Variants in GALNT14 observed in about 807,000 individuals in gnomAD.
GALNT14 encodes the protein polypeptide N-acetylgalactosaminyltransferase 14.
A neutral mutation model predicts 77.5 loss-of-function variants in GALNT14; 60 were observed. That is an observed-to-expected ratio of 0.77 (90% CI 0.63 to 0.96). GALNT14 has a LOEUF of 0.96. Ranked by LOEUF, GALNT14 falls within the 40% of genes least tolerant of loss-of-function variation. The pLI is 0.00. For missense variants in GALNT14, 710 were observed against 731.0 expected (o/e 0.97, Z 0.33); for synonymous variants, 280 against 281.7 (o/e 0.99, Z 0.06).
At chr2:30,955,517 C>G in intron 6 of GALNT14, 101 bp downstream of exon 6, 1 of 1,483,942 alleles carries the variant, frequency 6.7e-7, no homozygotes, top group Non-Finnish European at 9.1e-7. Context: ...TGCCCACCTC[C>G]CAGAAGAACT....
chr2:30,908,070 A>G (rs1451283151), downstream of GALNT14, among the ~76,000 whole-genome samples: 7 of 131,934 alleles, frequency 5.3e-5, no homozygotes, highest in Non-Finnish European at 1.1e-4. Flanking sequence ...TCAAAATAAT[A>G]AGAGCTATCT....
At chr2:31,035,590 C>T (rs941047539) in intron 1 of GALNT14, among the ~76,000 whole-genome samples, 48 of 73,984 alleles carry the variant, frequency 6.5e-4, no homozygotes, top group African/African-American at 9.6e-4. Flanking sequence ...TGTGTGTATA[C>T]ATATACATAT....
chr2:31,080,465 A>G (rs890961912), intron 1 of GALNT14, among the ~76,000 whole-genome samples: 1 of 152,236 alleles, frequency 6.6e-6, no homozygotes, highest in Non-Finnish European at 1.5e-5. Context: ...TTCCATTCTT[A>G]GACTCTAAGT....
chr2:30,928,299 T>C (rs1665509986), intron 11 of GALNT14, among the ~76,000 whole-genome samples: 1 of 152,192 alleles, frequency 6.6e-6, no homozygotes, highest in Non-Finnish European at 1.5e-5. Flanking sequence ...GAGTGGGTGA[T>C]GTTAGTATGA....
At chr2:30,952,108 G>A (rs1391971887) in intron 6 of GALNT14, among the ~76,000 whole-genome samples, 1 of 152,080 alleles carries the variant, frequency 6.6e-6, no homozygotes, top group Non-Finnish European at 1.5e-5. Context: ...AAGTTGCTCA[G>A]AAAATGCTTA....
chr2:30,935,694 C>T (rs17010485), intron 9 of GALNT14, among the ~76,000 whole-genome samples: 24,135 of 152,172 alleles, frequency 0.16, 2,039 homozygotes, highest in East Asian at 0.3. Context: ...GGTGCTCTAC[C>T]CTTATCTACA....
At chr2:30,914,961 C>G (rs928198762) in intron 13 of GALNT14, among the ~76,000 whole-genome samples, 1 of 152,186 alleles carries the variant, frequency 6.6e-6, no homozygotes, top group East Asian at 1.9e-4. Flanking sequence ...GCCCTGAGAT[C>G]AGTACAAGGG....
intron 1 of GALNT14, among the ~76,000 whole-genome samples, chr2:31,128,725 G>A: frequency 6.6e-6 from 1 of 152,112 alleles, no homozygotes; most frequent in East Asian, 1.9e-4. Flanking sequence ...GAGGGGGAAG[G>A]GCGGAGAGCC....
At chr2:30,965,878 T>C (rs1667974369) in intron 3 of GALNT14, among the ~76,000 whole-genome samples, 1 of 152,106 alleles carries the variant, frequency 6.6e-6, no homozygotes, top group African/African-American at 2.4e-5. Context: ...TCCTCATTTG[T>C]GGAAGTCAGA....
At chr2:31,056,819 A>T (rs1199284474) in intron 1 of GALNT14, among the ~76,000 whole-genome samples, 4 of 152,224 alleles carry the variant, frequency 2.6e-5, no homozygotes, top group Non-Finnish European at 4.4e-5. Flanking sequence ...GTGACATGAT[A>T]AAAACAGCAT....
At chr2:30,977,048 C>G (rs12614732) in intron 2 of GALNT14, among the ~76,000 whole-genome samples, 3,565 of 151,584 alleles carry the variant, frequency 0.024, 144 homozygotes, top group East Asian at 0.21. Flanking sequence ...AGATTATCCA[C>G]ACTCACTGCC....
chr2:30,958,616 G>C, intron 3 of GALNT14, 152 bp from the exon 4 acceptor site: 2 of 628,376 alleles, frequency 3.2e-6, no homozygotes, highest in South Asian at 2.1e-5. Flanking sequence ...CTGTGAGCCA[G>C]GAGGAATGTA....
In GALNT14 at chr2:31,002,692, T is replaced by A. The variant is rs143076892; in HGVS notation, c.130-9685A>T. The stretch of plus-strand genomic sequence containing the variant: ...TAATCCCCAGTGAAATGCTAACATA[T>A]CACCATATGCTCCCATATCATACTG... On this transcript the variant is annotated intron_variant, in intron 1 of 14. Coordinates refer to ENST00000349752, the MANE Select transcript of GALNT14 (RefSeq NM_024572.4). Among the ~76,000 whole-genome samples the A allele has an allele frequency of 4.0e-4, 61 of 152,252 alleles. No homozygotes were observed. The East Asian group carries it at 0.011, about 29-fold the overall frequency.
chr2:30,978,587 C>T (rs1421506927), intron 2 of GALNT14, among the ~76,000 whole-genome samples: 2 of 152,176 alleles, frequency 1.3e-5, no homozygotes, highest in Non-Finnish European at 2.9e-5. Flanking sequence ...CTCTGTTGAG[C>T]GAGGATGGTT....
intron 1 of GALNT14, among the ~76,000 whole-genome samples, chr2:31,021,087 C>T (rs1045204763): frequency 6.6e-6 from 1 of 152,030 alleles, no homozygotes; most frequent in Non-Finnish European, 1.5e-5. Context: ...ATGCCCATCT[C>T]GGAGCCAAGA....
At chr2:31,056,964 A>G (rs992633254) in intron 1 of GALNT14, among the ~76,000 whole-genome samples, 2 of 152,174 alleles carry the variant, frequency 1.3e-5, no homozygotes, top group African/African-American at 2.4e-5. Flanking sequence ...AAAGAATGAA[A>G]TCATGTCCTT....
chr2:31,106,799 C>T (rs570158781), intron 1 of GALNT14, among the ~76,000 whole-genome samples: 99 of 152,306 alleles, frequency 6.5e-4, no homozygotes, highest in African/African-American at 2.3e-3. Flanking sequence ...TTCTAATCTA[C>T]CAATGATCCT....
chr2:31,020,654 C>T (rs1392162898), intron 1 of GALNT14, among the ~76,000 whole-genome samples: 1 of 152,174 alleles, frequency 6.6e-6, no homozygotes, highest in Non-Finnish European at 1.5e-5. Context: ...CCCCTTTCCC[C>T]TCTGGGAGGG....
intron 1 of GALNT14, among the ~76,000 whole-genome samples, chr2:31,031,428 C>G (rs568049230): frequency 7.2e-5 from 11 of 152,296 alleles, no homozygotes; most frequent in African/African-American, 2.4e-4. Flanking sequence ...CCTCATAGAA[C>G]TAGTCATAAG....
Sources: gnomAD v4.1 joint callset for allele counts (sites outside exome capture counted in the v4.1 genomes callset) on GRCh38, gnomAD v4.1.1 for gene constraint, MANE v1.5 for transcripts, NCBI Gene and HGNC (gene_info 2026-07-23, HGNC 2026-07-21) for gene names.